CELF1: variants seen among roughly 807,000 people sequenced by gnomAD.
The protein encoded by CELF1 is 50 kDa nuclear polyadenylated RNA-binding protein.
In CELF1, 10 loss-of-function variants were observed where a neutral mutation model predicts 61.8. The ratio of observed to expected loss-of-function variants is 0.16; its 90% CI spans 0.10 to 0.27. The LOEUF is 0.27. CELF1 is among the 10% of genes least tolerant of loss of function. CELF1 has a pLI of 1.00. For synonymous variants in CELF1, 236 were observed against 225.1 expected, an observed-to-expected ratio of 1.05 and a Z score of -0.43; for missense variants, 380 against 639.1, an observed-to-expected ratio of 0.59 and a Z score of 4.37.
intron 1 of CELF1, among the ~76,000 whole-genome samples, chr11:47,527,041 A>C (rs1384701903): frequency 6.6e-6 from 1 of 151,440 alleles, no homozygotes. Context: ...ACAAGAGCAA[A>C]ACTCCGTCTA....
chr11:47,485,534 C>G (rs1004316306), intron 6 of CELF1, among the ~76,000 whole-genome samples: 1 of 151,868 alleles, frequency 6.6e-6, no homozygotes, highest in African/African-American at 2.4e-5. Flanking sequence ...CTTGATATGA[C>G]AAGTGGAAGA....
intron 1 of CELF1, among the ~76,000 whole-genome samples, chr11:47,515,145 C>T (rs1350658275): frequency 6.6e-6 from 1 of 152,226 alleles, no homozygotes; most frequent in Non-Finnish European, 1.5e-5. Context: ...ATTACTAACG[C>T]TTCTACCTAT....
Position 47,483,409 on chromosome 11 carries a change from T to C in CELF1, c.606+44A>G, listed in dbSNP as rs118086972. On this transcript the variant is annotated intron_variant, in intron 8 of 14. Coordinates refer to ENST00000687097, the MANE Select transcript of CELF1 (RefSeq NM_001376376.1). ...ACTTTAATGGCCAACTGTCCCAGCA[T>C]TCCCAAGCTGAGGAATTTTCCCCAT... 23 of 1,509,208 alleles carry C rather than the reference T, an allele frequency of 1.5e-5. No homozygotes were observed. The South Asian group carries it at 2.4e-4, about 16-fold the overall frequency. 93.5% of individuals were successfully genotyped at this position (1,509,208 alleles called of 1,614,324 possible). A position where few individuals can be genotyped will look rare whatever the true frequency, so the allele number is the denominator to read the frequency against.
chr11:47,540,836 G>C (rs908619737), intron 1 of CELF1, among the ~76,000 whole-genome samples: 1 of 152,102 alleles, frequency 6.6e-6, no homozygotes, highest in Non-Finnish European at 1.5e-5. Flanking sequence ...AGTGAGCCGA[G>C]ATCGCGCCAC....
chr11:47,564,007 AAAAC>A (rs555892623), intron 2 of CELF1, among the ~76,000 whole-genome samples: 20 of 150,994 alleles, frequency 1.3e-4, no homozygotes, highest in Non-Finnish European at 2.1e-4. Context: ...CTCTATCTTA[AAAAC>A]AAACAAACAA....
chr11:47,516,925 A>G (rs1269059691), intron 1 of CELF1, among the ~76,000 whole-genome samples: 1 of 152,154 alleles, frequency 6.6e-6, no homozygotes, highest in Admixed American at 6.6e-5. Context: ...TCAATGGATA[A>G]TATCACTTGC....
At chr11:47,537,827 CTG>C (rs2096667394) in intron 1 of CELF1, among the ~76,000 whole-genome samples, 1 of 152,110 alleles carries the variant, frequency 6.6e-6, no homozygotes, top group Admixed American at 6.6e-5. Context: ...ACACTATAGA[CTG>C]TAAAATTTCC....
At chr11:47,552,470 C>T (rs2097163678) in intron 1 of CELF1, among the ~76,000 whole-genome samples, 1 of 152,196 alleles carries the variant, frequency 6.6e-6, no homozygotes, top group Non-Finnish European at 1.5e-5. Context: ...GAGCCAAGGC[C>T]GTAGCGGATC....
intron 1 of CELF1, among the ~76,000 whole-genome samples, chr11:47,533,647 C>CATACATACATAT (rs2153697299): frequency 6.6e-6 from 1 of 150,962 alleles, no homozygotes; most frequent in South Asian, 2.1e-4. Flanking sequence ...TACATACATA[C>CATACATACATAT]ATACATACAT....
rs147142722 is a variant in CELF1 at position 47,540,313 on chromosome 11, C to T, written c.-154+12679G>A. Among the ~76,000 whole-genome samples the T allele has an allele frequency of 6.7e-3, 1,015 of 152,272 alleles. 27 individuals carry two copies. Among genetic ancestry groups the T allele is most frequent in the Admixed American group, 0.055 (840 of 15,284 alleles). ...AGGGGCTGAAGAGCATTCCTAAACACGAAATGTGATGTCTGCTCCTCTTGC... is the reference window on the plus strand; with the variant it reads ...AGGGGCTGAAGAGCATTCCTAAACATGAAATGTGATGTCTGCTCCTCTTGC... On this transcript the variant is annotated intron_variant, in intron 1 of 14. Coordinates refer to ENST00000687097, the MANE Select transcript of CELF1 (RefSeq NM_001376376.1).
chr11:47,545,332 A>T (rs2096905366), intron 1 of CELF1, among the ~76,000 whole-genome samples: 2 of 152,046 alleles, frequency 1.3e-5, no homozygotes, highest in Non-Finnish European at 2.9e-5. Flanking sequence ...TGAGAGGCTG[A>T]GGCACGAGAA....
At chr11:47,526,742 G>C (rs2096257385) in intron 1 of CELF1, among the ~76,000 whole-genome samples, 1 of 152,172 alleles carries the variant, frequency 6.6e-6, no homozygotes, top group Non-Finnish European at 1.5e-5. Context: ...TGAGATCCTT[G>C]ATTATAAAAC....
rs1315148302 is a variant in CELF1, at chr11:47,508,695, CACAT to C, written c.-153-7767_-153-7764del. Among the ~76,000 whole-genome samples, 257 of 147,880 alleles carry C rather than the reference CACAT, an allele frequency of 1.7e-3. 2 individuals are homozygous for C. The highest frequency in any genetic ancestry group is 5.9e-3 in the African/African-American group (226 of 38,400). ...CCTCAAACACACACACACACACACA[CACAT>C]AAATAAACAACACTGTAATCTTCCA... On this transcript the variant is annotated intron_variant, in intron 1 of 14. Coordinates refer to ENST00000687097, the MANE Select transcript of CELF1 (RefSeq NM_001376376.1).
At chr11:47,486,856 A>G (rs1430173028) in intron 5 of CELF1, 58 bp from the exon 6 acceptor site, 4 of 1,274,098 alleles carry the variant, frequency 3.1e-6, no homozygotes, top group Middle Eastern at 1.8e-4. Flanking sequence ...TCAAAAATAC[A>G]TATGGACTCT....
At chr11:47,473,696 G>A (rs1228846506) in intron 13 of CELF1, among the ~76,000 whole-genome samples, 1 of 152,206 alleles carries the variant, frequency 6.6e-6, no homozygotes, top group Non-Finnish European at 1.5e-5. Context: ...TTCTAGGGGT[G>A]ATGGAAATGT....
chr11:47,552,488 AG>A (rs1366210383), intron 1 of CELF1, among the ~76,000 whole-genome samples: 1 of 152,200 alleles, frequency 6.6e-6, no homozygotes, highest in Non-Finnish European at 1.5e-5. Flanking sequence ...ATCTGGGGCG[AG>A]GAACGAGGGG....
At chr11:47,488,353 T>C (rs2089011978) in intron 4 of CELF1, among the ~76,000 whole-genome samples, 1 of 152,222 alleles carries the variant, frequency 6.6e-6, no homozygotes, top group Non-Finnish European at 1.5e-5. Context: ...CCTTTCTATT[T>C]GATAAACTAT....
intron 2 of CELF1, among the ~76,000 whole-genome samples, chr11:47,558,582 T>TGTGTA (rs1401388395): frequency 1.8e-4 from 21 of 114,844 alleles, no homozygotes; most frequent in African/African-American, 5.5e-4. Context: ...TAAATATATA[T>TGTGTA]ATATATTTAT....
intron 3 of CELF1, among the ~76,000 whole-genome samples, chr11:47,499,186 A>G (rs2093589891): frequency 6.6e-6 from 1 of 152,230 alleles, no homozygotes; most frequent in Admixed American, 6.5e-5. Flanking sequence ...ACTACAGCTT[A>G]AAGGAATTGG....
Sources: allele counts gnomAD v4.1 joint callset (sites outside exome capture counted in the v4.1 genomes callset), GRCh38; gene constraint gnomAD v4.1.1; transcripts MANE v1.5; gene names NCBI Gene and HGNC (gene_info 2026-07-23, HGNC 2026-07-21).